DOCK2: variants seen among roughly 807,000 people sequenced by gnomAD.
DOCK2 encodes the protein dedicator of cytokinesis protein 2.
Under a neutral mutation model 248.9 loss-of-function variants are expected in DOCK2, and 87 were observed. That is an observed-to-expected ratio of 0.35 (90% CI 0.29 to 0.42). The LOEUF is 0.42. Among genes scored for constraint, DOCK2 ranks in the 10% least tolerant of loss-of-function variants. The pLI is 1.00. For missense variants in DOCK2, 1,747 were observed against 2,300.2 expected, an observed-to-expected ratio of 0.76 and a Z score of 4.92; for synonymous variants, 805 against 821.6, an observed-to-expected ratio of 0.98 and a Z score of 0.35.
At chr5:169,910,440 T>C (rs1321530867) in intron 27 of DOCK2, among the ~76,000 whole-genome samples, 1 of 152,156 alleles carries the variant, frequency 6.6e-6, no homozygotes, top group Non-Finnish European at 1.5e-5. Context: ...CTCTTAACTT[T>C]TTAAAAAAAG....
intron 22 of DOCK2, among the ~76,000 whole-genome samples, chr5:169,725,630 T>C (rs1243866402): frequency 6.6e-6 from 1 of 152,098 alleles, no homozygotes; most frequent in Non-Finnish European, 1.5e-5. Flanking sequence ...TTACATTAGG[T>C]ATTTCTCCTA....
intron 27 of DOCK2, among the ~76,000 whole-genome samples, chr5:169,967,269 C>G (rs1437171704): frequency 2.0e-5 from 3 of 152,186 alleles, no homozygotes; most frequent in African/African-American, 7.2e-5. Flanking sequence ...GAAGCCTTTC[C>G]AGATGAAGTG....
At chr5:169,647,299 A>G (rs1041805097) in intron 1 of DOCK2, among the ~76,000 whole-genome samples, 1 of 147,794 alleles carries the variant, frequency 6.8e-6, no homozygotes, top group African/African-American at 2.5e-5. Flanking sequence ...TGTTGATTAG[A>G]TGGATGGGTG....
chr5:170,063,687 G>A (rs1179361036), intron 44 of DOCK2, among the ~76,000 whole-genome samples: 1 of 152,118 alleles, frequency 6.6e-6, no homozygotes, highest in Non-Finnish European at 1.5e-5. Context: ...TGCCACACTA[G>A]AGCTCCCACC....
chr5:169,726,638 A>T (rs1762489477), intron 22 of DOCK2, among the ~76,000 whole-genome samples: 1 of 152,328 alleles, frequency 6.6e-6, no homozygotes, highest in Non-Finnish European at 1.5e-5. Context: ...GTAAATATTT[A>T]TTGGGCACCT....
chr5:169,702,084 C>A (rs1443797708), intron 13 of DOCK2: 1 of 391,460 alleles, frequency 2.6e-6, no homozygotes, highest in Admixed American at 4.4e-5. Flanking sequence ...TCCCTACTTC[C>A]CTTTTTGCAA....
chr5:169,927,716 A>G (rs1561830581), intron 27 of DOCK2, among the ~76,000 whole-genome samples: 2 of 152,216 alleles, frequency 1.3e-5, no homozygotes, highest in Non-Finnish European at 2.9e-5. Context: ...TCCCGAGTTC[A>G]TGCCATTCTC....
intron 2 of DOCK2, among the ~76,000 whole-genome samples, chr5:169,659,263 T>A (rs1177542150): frequency 6.6e-6 from 1 of 152,092 alleles, no homozygotes; most frequent in Non-Finnish European, 1.5e-5. Flanking sequence ...TGGAGTCATC[T>A]TGGGTATGTA....
At chr5:169,791,884 A>G (rs1208994256) in intron 25 of DOCK2, among the ~76,000 whole-genome samples, 1 of 151,932 alleles carries the variant, frequency 6.6e-6, no homozygotes, top group Non-Finnish European at 1.5e-5. Flanking sequence ...CCACTCTCTC[A>G]CTCCCCTTCA....
chr5:169,725,556 G>A (rs1486268215), intron 22 of DOCK2, among the ~76,000 whole-genome samples: 2 of 151,668 alleles, frequency 1.3e-5, no homozygotes, highest in African/African-American at 4.8e-5. Flanking sequence ...TGTGCACAAA[G>A]TGCACATTTG....
At chr5:169,991,688 C>T (rs868559015) in intron 29 of DOCK2, among the ~76,000 whole-genome samples, 5 of 152,334 alleles carry the variant, frequency 3.3e-5, no homozygotes, top group Middle Eastern at 3.4e-3. Context: ...CGAAGGGCTG[C>T]GTGCATGGCA....
chr5:169,927,401 C>T (rs1187525178), intron 27 of DOCK2, among the ~76,000 whole-genome samples: 1 of 152,126 alleles, frequency 6.6e-6, no homozygotes, highest in African/African-American at 2.4e-5. Flanking sequence ...AGATGGGGAC[C>T]TTCTAATAAG....
chr5:170,014,197 A>G (rs1026540647), intron 32 of DOCK2, among the ~76,000 whole-genome samples: 1 of 152,082 alleles, frequency 6.6e-6, no homozygotes, highest in Admixed American at 6.5e-5. Context: ...ATGGGATTAG[A>G]GTGGCCATCC....
chr5:169,728,048 G>C (rs563154907), intron 22 of DOCK2, among the ~76,000 whole-genome samples: 1 of 152,154 alleles, frequency 6.6e-6, no homozygotes, highest in African/African-American at 2.4e-5. Flanking sequence ...AGAGGAAGAA[G>C]ATAAAGGTTT....
intron 46 of DOCK2, chr5:170,075,309 AAAT>A (rs1477430960): frequency 2.0e-5 from 3 of 152,402 alleles, no homozygotes; most frequent in Admixed American, 6.5e-5. Context: ...CTATGGGGAC[AAAT>A]AAGACTTCAA....
chr5:169,814,933 C>T (rs1157587719), intron 26 of DOCK2, among the ~76,000 whole-genome samples: 1 of 152,102 alleles, frequency 6.6e-6, no homozygotes, highest in Non-Finnish European at 1.5e-5. Context: ...CTGTCTCAAC[C>T]AATCAGAAGG....
intron 2 of DOCK2, among the ~76,000 whole-genome samples, chr5:169,659,942 A>G (rs143276151): frequency 6.6e-6 from 1 of 152,290 alleles, no homozygotes; most frequent in East Asian, 1.9e-4. Context: ...AATCTCATAT[A>G]TTGTGCAGCT....
chr5:170,057,691 GGC>G, intron 44 of DOCK2, 25 bp downstream of exon 44: 1 of 1,578,222 alleles, frequency 6.3e-7, no homozygotes, highest in Non-Finnish European at 8.6e-7. Flanking sequence ...TTCGTGGCAG[GGC>G]CACCCTTCCT....
At chr5:169,658,980 C>CATTATTATTATT (rs200506411) in intron 2 of DOCK2, among the ~76,000 whole-genome samples, 99 of 136,258 alleles carry the variant, frequency 7.3e-4, no homozygotes, top group African/African-American at 1.5e-3. Flanking sequence ...TACAAGACTG[C>CATTATTATTATT]ATTATTATTA....
Sources: allele counts gnomAD v4.1 joint callset (sites outside exome capture counted in the v4.1 genomes callset), GRCh38; gene constraint gnomAD v4.1.1; transcripts MANE v1.5; gene names NCBI Gene and HGNC (gene_info 2026-07-23, HGNC 2026-07-21).